GLRA2: variants seen among roughly 807,000 people sequenced by gnomAD.
The protein encoded by GLRA2 is glycine receptor alpha 2, also known as glycine receptor subunit alpha-2.
In GLRA2, 11 loss-of-function variants were observed where a neutral mutation model predicts 31.6. The ratio of observed to expected loss-of-function variants is 0.35; its 90% CI spans 0.22 to 0.58. The LOEUF (loss-of-function observed/expected upper bound fraction) is 0.58, where lower values mean the gene tolerates loss of function less well. Ranked by LOEUF, GLRA2 falls within the 20% of genes least tolerant of loss-of-function variation. The pLI is 0.84. For synonymous variants in GLRA2, 132 were observed against 134.0 expected, an observed-to-expected ratio of 0.99 and a Z score of 0.10; for missense variants, 212 against 351.8, an observed-to-expected ratio of 0.60 and a Z score of 3.18.
At chrX:14,641,874 C>T (rs1013510283) in intron 7 of GLRA2, among the ~76,000 whole-genome samples, 2 of 112,142 alleles carry the variant, frequency 1.8e-5, no homozygotes, top group Non-Finnish European at 3.8e-5. Context: ...TCTGGCTTTT[C>T]AGACCCACCA....
At chrX:14,642,799 G>C (rs5934184) in intron 7 of GLRA2, among the ~76,000 whole-genome samples, 21,991 of 110,202 alleles carry the variant, frequency 0.2, 1,737 homozygotes, top group Non-Finnish European at 0.24. Flanking sequence ...GATCAGGTAT[G>C]GTAGGCAGAT....
Position 14,638,831 on chromosome X carries a change from CTAA to C in GLRA2, c.930+29629_930+29631del, listed in dbSNP as rs1490680977. 6.3e-5 allele frequency among the ~76,000 whole-genome samples: 7 copies of C among 111,291 alleles called. No homozygotes were observed. In the East Asian group the frequency reaches 2.0e-3, roughly 31 times the overall value. Reference sequence around the variant, plus strand: ...GTTTTGACTAATTTAATAAAATTTACTAATATTAAAAGCCAAACAGAGTAAATG... The same window carrying C: ...GTTTTGACTAATTTAATAAAATTTACTATTAAAAGCCAAACAGAGTAAATG... On this transcript the variant is annotated intron_variant, in intron 7 of 8. Transcript: ENST00000218075.
chrX:14,571,007 G>A (rs987655398), intron 2 of GLRA2, among the ~76,000 whole-genome samples: 2 of 109,537 alleles, frequency 1.8e-5, no homozygotes, highest in African/African-American at 6.7e-5. Flanking sequence ...TTTCTCATAA[G>A]AATAAGAGAA....
the GLRA2 span, among the ~76,000 whole-genome samples, chrX:14,516,355 A>G: frequency 8.9e-6 from 1 of 111,954 alleles, no homozygotes; most frequent in African/African-American, 3.2e-5. Context: ...ATTTTTCTTC[A>G]TGGCCAATTC....
At chrX:14,528,691 A>G (rs1218541469), upstream of GLRA2, among the ~76,000 whole-genome samples, 2 of 112,161 alleles carry the variant, frequency 1.8e-5, no homozygotes, top group Non-Finnish European at 3.8e-5. Context: ...TTATTACATG[A>G]CTGTTCCTAG....
the GLRA2 span, among the ~76,000 whole-genome samples, chrX:14,487,078 A>G: frequency 1.8e-5 from 2 of 110,460 alleles, no homozygotes; most frequent in African/African-American, 3.3e-5. Flanking sequence ...TCTTTAAACT[A>G]TATTATATAC....
Position 14,731,707 on chromosome X carries a change from A to G in GLRA2, c.*1222A>G, listed in dbSNP as rs2091995193. The G allele has an allele frequency of 8.9e-6, 1 of 112,075 alleles. No individual in the cohort carries two copies. Among genetic ancestry groups the G allele is most frequent in the Admixed American group, 9.5e-5 (1 of 10,476 alleles). The allele number at this position is 112,075 out of a possible 1,213,427, so 9.2% of individuals were successfully genotyped here. ...AAGACGTATTTTTGCTTACTCAGAT[A>G]AAAGACAACCTGTAAAAATATAATA... On this transcript the variant is annotated 3_prime_UTR_variant, in exon 9 of 9. Coordinates refer to ENST00000218075, the MANE Select transcript of GLRA2 (RefSeq NM_002063.4).
chrX:14,709,079 G>A (rs866820546), intron 8 of GLRA2, among the ~76,000 whole-genome samples: 2 of 111,387 alleles, frequency 1.8e-5, no homozygotes, highest in Non-Finnish European at 3.8e-5. Flanking sequence ...CTTTGAAAAC[G>A]AAAGGGAGAG....
intron 2 of GLRA2, among the ~76,000 whole-genome samples, chrX:14,548,471 C>T (rs773599129): frequency 3.8e-4 from 42 of 111,569 alleles, no homozygotes; most frequent in African/African-American, 1.2e-3. Context: ...ACATGTATCA[C>T]GCATTTATTA....
the GLRA2 span, among the ~76,000 whole-genome samples, chrX:14,487,261 C>G: frequency 9.2e-6 from 1 of 108,610 alleles, no homozygotes; most frequent in Non-Finnish European, 1.9e-5. Context: ...TGTGTGGCTG[C>G]TGGCTACCAT....
chrX:14,463,814 C>G, the GLRA2 span, among the ~76,000 whole-genome samples: 3 of 111,787 alleles, frequency 2.7e-5, no homozygotes, highest in Non-Finnish European at 3.8e-5. Flanking sequence ...ATCCCCTGAC[C>G]CCTTGTGCTT....
At chrX:14,632,724 C>T (rs2090665351) in intron 7 of GLRA2, among the ~76,000 whole-genome samples, 1 of 111,439 alleles carries the variant, frequency 9.0e-6, no homozygotes, top group Admixed American at 9.6e-5. Context: ...CCTCTTTCTA[C>T]ATGTCAACGA....
At chrX:14,457,505 C>G in the GLRA2 span, among the ~76,000 whole-genome samples, 148 of 111,546 alleles carry the variant, frequency 1.3e-3, no homozygotes, top group Non-Finnish European at 2.3e-3. Flanking sequence ...CAGCTTCATC[C>G]ATGTCCCTGC....
intron 7 of GLRA2, among the ~76,000 whole-genome samples, chrX:14,621,414 G>A (rs985513605): frequency 2.7e-5 from 3 of 110,588 alleles, no homozygotes; most frequent in African/African-American, 6.6e-5. Flanking sequence ...TGCACAATGT[G>A]CAGGTTTGTT....
chrX:14,707,743 T>A (rs1033399979), intron 8 of GLRA2, among the ~76,000 whole-genome samples: 1 of 89,009 alleles, frequency 1.1e-5, no homozygotes, highest in Non-Finnish European at 2.2e-5. Flanking sequence ...TTTTCCTACT[T>A]TGACAGCAAA....
the GLRA2 span, among the ~76,000 whole-genome samples, chrX:14,479,574 A>G: frequency 1.8e-5 from 2 of 111,256 alleles, no homozygotes; most frequent in African/African-American, 6.5e-5. Flanking sequence ...TATTGTTGCC[A>G]TCTTTATGTC....
At chrX:14,567,596 C>T (rs1313546429) in intron 2 of GLRA2, among the ~76,000 whole-genome samples, 1 of 112,217 alleles carries the variant, frequency 8.9e-6, no homozygotes, top group African/African-American at 3.2e-5. Flanking sequence ...CTGCCTTCAC[C>T]ACTGCTATTT....
chrX:14,620,072 A>G (rs2090498668), intron 7 of GLRA2, among the ~76,000 whole-genome samples: 1 of 109,711 alleles, frequency 9.1e-6, no homozygotes, highest in African/African-American at 3.3e-5. Context: ...TTCTAATATA[A>G]TAACATTTTA....
At chrX:14,573,277 A>C (rs976005129) in intron 2 of GLRA2, among the ~76,000 whole-genome samples, 7 of 111,714 alleles carry the variant, frequency 6.3e-5, no homozygotes, top group African/African-American at 2.3e-4. Flanking sequence ...AGGTTTAAAA[A>C]TGCAGTGTTT....
Sources: gnomAD v4.1 joint callset for allele counts (sites outside exome capture counted in the v4.1 genomes callset) on GRCh38, gnomAD v4.1.1 for gene constraint, MANE v1.5 for transcripts, NCBI Gene and HGNC (gene_info 2026-07-23, HGNC 2026-07-21) for gene names.